ANPEP: variants seen among roughly 807,000 people sequenced by gnomAD.
The protein encoded by ANPEP is alanyl aminopeptidase, membrane, also known as aminopeptidase N.
A neutral mutation model predicts 114.6 loss-of-function variants in ANPEP; 70 were observed. The observed-to-expected ratio is 0.61, with a 90% CI of 0.50 to 0.75. The LOEUF is 0.75. ANPEP is among the 30% of genes least tolerant of loss of function. The probability of loss-of-function intolerance (pLI) is 0.00; values close to 1 mark genes in which losing one functional copy is unlikely to be tolerated. For synonymous variants in ANPEP, 548 were observed against 522.3 expected, an observed-to-expected ratio of 1.05 and a Z score of -0.67; for missense variants, 1,184 against 1,259.5, an observed-to-expected ratio of 0.94 and a Z score of 0.91.
chr15:89,800,684 C>T (rs963440772), intron 12 of ANPEP, among the ~76,000 whole-genome samples: 2 of 151,834 alleles, frequency 1.3e-5, no homozygotes, highest in Admixed American at 1.3e-4. Context: ...GCCCCAGCCT[C>T]CAGAGTAGCT....
At position 89,792,433 on chromosome 15, in the gene ANPEP, G is replaced by A; in HGVS notation, c.2360+19C>T. ...GGGCAGATGAAGACTGGCAGAGGAG[G>A]CGCAGGGGAGACACTCACGGGTTAT... On this transcript the variant is annotated intron_variant, in intron 17 of 20. Transcript: ENST00000300060. 1.2e-6 allele frequency: 2 copies of A among 1,613,428 alleles called. No homozygotes were observed. The highest frequency in any genetic ancestry group is 1.7e-6 in the Non-Finnish European group (2 of 1,179,386).
chr15:89,794,974 C>T (rs1374617754), intron 15 of ANPEP, among the ~76,000 whole-genome samples: 2 of 152,128 alleles, frequency 1.3e-5, no homozygotes, highest in Non-Finnish European at 1.5e-5. Flanking sequence ...TCCACCTTCC[C>T]ATGGAGCTTC....
intron 1 of ANPEP, among the ~76,000 whole-genome samples, chr15:89,812,582 G>C (rs1465083321): frequency 2.6e-5 from 4 of 152,110 alleles, no homozygotes; most frequent in African/African-American, 9.7e-5. Flanking sequence ...TGTGGGTGGG[G>C]GAAGTACACA....
rs1477153634 is a variant in ANPEP, at chr15:89,803,924, G to C, written c.1258C>G (p.Leu420Val). 1.2e-6 allele frequency: 2 copies of C among 1,614,056 alleles called. No individual in the cohort carries two copies. Among genetic ancestry groups the C allele is most frequent in the African/African-American group, 1.3e-5 (1 of 74,934 alleles). ...GTGGGCTCCGCATAGTCAGCACCCAGGTACTCCACGTAGGAGGCGAAGCCC... is the reference window on the plus strand; with the variant it reads ...GTGGGCTCCGCATAGTCAGCACCCACGTACTCCACGTAGGAGGCGAAGCCC... ...NEGFASYVEY[L>V]GADYAEPTWN... The change falls in exon 7 of 21, where the codon CTG (leucine) becomes GTG (valine). Residue 420 changes from leucine to valine, a missense_variant. Transcript: ENST00000300060. This position sits in a 1 kb window ranked among gnomAD's most constrained non-coding sequence, Gnocchi z 4.2.
Position 89,790,487 on chromosome 15 carries a change from T to C in ANPEP, c.2724A>G (p.Arg908=), listed in dbSNP as rs1968599376. ...GCTGCAGCTCATACTCGGTGGAGAATCGTCGTGTCACTGCCTGGATGAGGT... is the reference window on the plus strand; with the variant it reads ...GCTGCAGCTCATACTCGGTGGAGAACCGTCGTGTCACTGCCTGGATGAGGT... ...FSNLIQAVTR[R]FSTEYELQQL... Residue 908 remains arginine (R), a synonymous_variant, in exon 20 of 21, where the codon CGA becomes CGG. Transcript: ENST00000300060. 3 of 1,613,896 alleles carry C rather than the reference T, an allele frequency of 1.9e-6. No homozygotes were observed. The highest frequency in any genetic ancestry group is 2.5e-6 in the Non-Finnish European group (3 of 1,179,876).
chr15:89,802,930 G>A (rs1190507932), intron 10 of ANPEP, among the ~76,000 whole-genome samples: 6 of 152,094 alleles, frequency 3.9e-5, no homozygotes, highest in African/African-American at 1.2e-4. Flanking sequence ...AGAGTTCCAG[G>A]CAGAGGCGGG....
At position 89,806,106 on chromosome 15, in the gene ANPEP, C is replaced by T. The variant is rs376358699; in HGVS notation, c.478G>A (p.Glu160Lys). The change falls in exon 2 of 21, where the codon GAG becomes AAG. Residue 160 changes from glutamate (E) to lysine (K), a missense_variant. By Grantham distance (56) the Glu-to-Lys change is moderately conservative (BLOSUM62 1). Transcript: ENST00000300060. The surrounding 1 kb of genome is among the most constrained non-coding windows in gnomAD (Gnocchi z 5.7). ...IDKTELVEPT[E>K]YLVVHLKGSL... ...CCCTTGAGGTGCACCACCAGGTACT[C>T]GGTGGGCTCCACCAGCTCAGTCTTG... is the stretch of plus-strand genomic sequence containing the variant. 16 of 1,613,976 alleles carry T rather than the reference C, an allele frequency of 9.9e-6. No homozygotes were observed. Among genetic ancestry groups the T allele is most frequent in the East Asian group, 2.2e-5 (1 of 44,890 alleles).
intron 20 of ANPEP, among the ~76,000 whole-genome samples, 180 bp downstream of exon 20, chr15:89,790,280 A>AT (rs202154446): frequency 6.6e-6 from 1 of 152,132 alleles, no homozygotes; most frequent in South Asian, 2.1e-4. Context: ...CCCAAGATGA[A>AT]TTTTTTAAAT....
intron 12 of ANPEP, 78 bp downstream of exon 12, chr15:89,801,033 A>G (rs1894577647): frequency 7.7e-7 from 1 of 1,306,802 alleles, no homozygotes; most frequent in East Asian, 2.3e-5. Flanking sequence ...GGAATGGCCC[A>G]TCACAGCCCT....
At chr15:89,805,575 A>G in intron 2 of ANPEP, 112 bp from the exon 3 acceptor site, 3 of 1,423,770 alleles carry the variant, frequency 2.1e-6, no homozygotes, top group Non-Finnish European at 2.8e-6. Context: ...GCCCCAGCCT[A>G]ACCCCTGCTC....
chr15:89,795,441 T>C (rs1486506828), intron 15 of ANPEP, among the ~76,000 whole-genome samples: 1 of 150,764 alleles, frequency 6.6e-6, no homozygotes, highest in Non-Finnish European at 1.5e-5. Flanking sequence ...TACTAGATGA[T>C]GTGAATGCCA....
chr15:89,814,197 G>A (rs747445515), intron 1 of ANPEP, among the ~76,000 whole-genome samples: 3 of 152,222 alleles, frequency 2.0e-5, no homozygotes, highest in Admixed American at 6.5e-5. Flanking sequence ...TTGTAGGAGC[G>A]AGGGAGAACG....
At position 89,792,171 on chromosome 15, in the gene ANPEP, C is replaced by T; in HGVS notation, c.2517G>A (p.Trp839Ter). 6.2e-7 allele frequency: 1 copy of T among 1,613,980 alleles called. No homozygotes were observed. Among genetic ancestry groups the T allele is most frequent in the South Asian group, 1.1e-5 (1 of 91,064 alleles). ...RAALACSKEL[W>*]ILNRYLSYTL... is the part of the protein sequence containing the mutation. ...GCGCCAAGACTCACCTGTTCAGGAT[C>T]CACAACTCTTTGCTGCAGGCCAGGG... is the stretch of plus-strand genomic sequence containing the variant. The change falls in exon 18 of 21, where the codon TGG (tryptophan) becomes TGA (stop). Residue 839 changes from tryptophan to a stop codon, truncating the protein, a stop_gained. Transcript: ENST00000300060. LOFTEE classifies it high-confidence loss of function.
intron 1 of ANPEP, among the ~76,000 whole-genome samples, chr15:89,808,163 A>G (rs1279771958): frequency 6.6e-6 from 1 of 151,680 alleles, no homozygotes; most frequent in Non-Finnish European, 1.5e-5. Context: ...CTGTTGCAGT[A>G]CCCCAGCCAC....
Position 89,803,161 on chromosome 15 carries a change from C to T in ANPEP, c.1569+78G>A, listed in dbSNP as rs368401756. 8.7e-5 allele frequency: 130 copies of T among 1,494,396 alleles called. No individual in the cohort carries two copies. In the East Asian group the frequency reaches 1.4e-3, roughly 16 times the overall value. The allele number at this position is 1,494,396 out of a possible 1,614,324, so 92.6% of individuals were successfully genotyped here. ...CCGCGGAGCTGGACCCATTCTCTTACGCATGTGCTGCCCCCAGGTACCTTC... is the reference window on the plus strand; with the variant it reads ...CCGCGGAGCTGGACCCATTCTCTTATGCATGTGCTGCCCCCAGGTACCTTC... On this transcript the variant is annotated intron_variant, in intron 10 of 20. Coordinates refer to ENST00000300060, the MANE Select transcript of ANPEP (RefSeq NM_001150.3). This position sits in a 1 kb window ranked among gnomAD's most constrained non-coding sequence, Gnocchi z 4.2.
At position 89,791,073 on chromosome 15, in the gene ANPEP, T is replaced by A; in HGVS notation, c.2549A>T (p.Asn850Ile). The change falls in exon 19 of 21, where the codon AAC (asparagine) becomes ATC (isoleucine). Residue 850 changes from asparagine to isoleucine, a missense_variant. By Grantham distance (149) the Asn-to-Ile change is moderately radical. Transcript: ENST00000300060. ...GTCCTGCTTCCGGATTAAGTCCGGG[T>A]TCAGGGTGTAGCTCAGGTACCTAAG... ...ILNRYLSYTL[N>I]PDLIRKQDAT... 1 of 1,614,138 alleles carries A rather than the reference T, an allele frequency of 6.2e-7. No homozygotes were observed. Among genetic ancestry groups the A allele is most frequent in the Non-Finnish European group, 8.5e-7 (1 of 1,180,028 alleles).
Position 89,804,012 on chromosome 15 carries a change from G to T in ANPEP, c.1180-10C>A, listed in dbSNP as rs1448790043. ...CCAGGTTCCCGAACCACTGTGGGGG[G>T]AGGGGTCAGCTGGGCAAGCCACGCC... On this transcript the variant is annotated splice_polypyrimidine_tract_variant and intron_variant, in intron 6 of 20. Coordinates refer to ENST00000300060, the MANE Select transcript of ANPEP (RefSeq NM_001150.3). 1.2e-6 allele frequency: 2 copies of T among 1,613,406 alleles called. No individual in the cohort carries two copies. The highest frequency in any genetic ancestry group is 3.3e-5 in the Admixed American group (2 of 60,016).
At chr15:89,790,260 A>T (rs1968594295) in intron 20 of ANPEP, among the ~76,000 whole-genome samples, 200 bp downstream of exon 20, 1 of 152,178 alleles carries the variant, frequency 6.6e-6, no homozygotes, top group Non-Finnish European at 1.5e-5. Flanking sequence ...TTTTGTGCCT[A>T]TACAAAAATC....
chr15:89,811,633 G>T (rs1357562562), intron 1 of ANPEP, among the ~76,000 whole-genome samples: 2 of 149,274 alleles, frequency 1.3e-5, no homozygotes, highest in African/African-American at 4.9e-5. Context: ...GCGACAGAGT[G>T]AGACTCCATC....
Sources: gnomAD v4.1 joint callset for allele counts (sites outside exome capture counted in the v4.1 genomes callset) on GRCh38, gnomAD v4.1.1 for gene constraint, Gnocchi (gnomAD v3.1) non-coding constraint, MANE v1.5 for transcripts, NCBI Gene and HGNC (gene_info 2026-07-23, HGNC 2026-07-21) for gene names.